Variants in FMN1 observed in about 807,000 individuals in gnomAD.
The protein encoded by FMN1 is formin-1.
Under a neutral mutation model 132.4 loss-of-function variants are expected in FMN1, and 110 were observed. The ratio of observed to expected loss-of-function variants is 0.83; its 90% confidence interval spans 0.71 to 0.97. FMN1 has a LOEUF of 0.97. Ranked by LOEUF, FMN1 falls within the 50% of genes least tolerant of loss-of-function variation. The pLI, the probability that FMN1 is intolerant of heterozygous loss-of-function variation, is 0.00. For missense variants in FMN1, 1,792 were observed against 1,705.3 expected, an observed-to-expected ratio of 1.05 and a Z score of -0.90; for synonymous variants, 722 against 651.7, an observed-to-expected ratio of 1.11 and a Z score of -1.64.
At chr15:33,174,221 C>T (rs1358230880) in intron 3 of FMN1, among the ~76,000 whole-genome samples, 1 of 151,958 alleles carries the variant, frequency 6.6e-6, no homozygotes, top group East Asian at 1.9e-4. Flanking sequence ...CAAAAACATC[C>T]AAATGAAATG....
chr15:32,984,978 CAAAAAAAAAAAAA>C (rs11330959), intron 7 of FMN1, among the ~76,000 whole-genome samples: 1 of 97,266 alleles, frequency 1.0e-5, no homozygotes, highest in African/African-American at 3.7e-5. Flanking sequence ...CATCCATCAC[CAAAAAAAAAAAAA>C]AAAAAAAAAG....
intron 4 of FMN1, among the ~76,000 whole-genome samples, chr15:33,115,737 T>C (rs2039899181): frequency 6.6e-6 from 1 of 152,186 alleles, no homozygotes. Flanking sequence ...CCTAAACCTA[T>C]GCTCCGCTCC....
intron 7 of FMN1, among the ~76,000 whole-genome samples, chr15:32,977,436 G>A (rs945939115): frequency 6.6e-6 from 1 of 152,208 alleles, no homozygotes; most frequent in African/African-American, 2.4e-5. Context: ...GAATGATTAA[G>A]TAAATAATTG....
At chr15:32,946,020 C>T (rs1486905366) in intron 9 of FMN1, among the ~76,000 whole-genome samples, 2 of 152,170 alleles carry the variant, frequency 1.3e-5, no homozygotes, top group Non-Finnish European at 1.5e-5. Flanking sequence ...TGCCATATTG[C>T]TTCCAACAGG....
intron 19 of FMN1, among the ~76,000 whole-genome samples, chr15:32,788,944 AT>A (rs1476908928): frequency 2.6e-5 from 4 of 152,206 alleles, no homozygotes; most frequent in Non-Finnish European, 5.9e-5. Flanking sequence ...AGCTATTAAG[AT>A]TTTAGATTCT....
chr15:33,003,053 T>C (rs2034205738), intron 7 of FMN1, among the ~76,000 whole-genome samples: 1 of 152,200 alleles, frequency 6.6e-6, no homozygotes, highest in South Asian at 2.1e-4. Context: ...TAGGTATTGA[T>C]GGGACGTATC....
chr15:32,993,207 A>G (rs1279305915), intron 7 of FMN1, among the ~76,000 whole-genome samples: 1 of 152,214 alleles, frequency 6.6e-6, no homozygotes, highest in African/African-American at 2.4e-5. Context: ...TTTGGTATGA[A>G]TATATTACAT....
chr15:32,890,726 C>T (rs569630820), intron 15 of FMN1, among the ~76,000 whole-genome samples: 6 of 152,096 alleles, frequency 3.9e-5, no homozygotes, highest in African/African-American at 1.4e-4. Flanking sequence ...TTTGAGGTAC[C>T]AAAGCTCTTT....
intron 9 of FMN1, among the ~76,000 whole-genome samples, chr15:32,940,391 T>C (rs200383183): frequency 6.9e-6 from 1 of 145,308 alleles, no homozygotes; most frequent in Non-Finnish European, 1.5e-5. Context: ...AAAATAAAAA[T>C]TGTGTGTGTG....
chr15:33,190,547 T>C (rs532537006), intron 2 of FMN1, among the ~76,000 whole-genome samples: 1 of 152,264 alleles, frequency 6.6e-6, no homozygotes, highest in South Asian at 2.1e-4. Context: ...TGAATGTGGA[T>C]AGATACTCAC....
At chr15:32,833,211 AC>A (rs2058544785) in intron 17 of FMN1, among the ~76,000 whole-genome samples, 1 of 152,124 alleles carries the variant, frequency 6.6e-6, no homozygotes, top group South Asian at 2.1e-4. Context: ...AGTAATCCTA[AC>A]CTGTAATTCT....
At chr15:32,986,742 T>A (rs543549947) in intron 7 of FMN1, among the ~76,000 whole-genome samples, 1 of 152,264 alleles carries the variant, frequency 6.6e-6, no homozygotes, top group East Asian at 1.9e-4. Context: ...GATCTCATTT[T>A]GACTTGATTC....
chr15:32,812,305 G>C (rs955163384), intron 17 of FMN1, among the ~76,000 whole-genome samples: 1 of 152,098 alleles, frequency 6.6e-6, no homozygotes, highest in Non-Finnish European at 1.5e-5. Flanking sequence ...ACTTACAAGT[G>C]ACTTATAATA....
intron 7 of FMN1, among the ~76,000 whole-genome samples, chr15:32,988,049 G>GTTTTTTTTTTTTT (rs10573409): frequency 5.9e-5 from 7 of 118,164 alleles, no homozygotes; most frequent in Non-Finnish European, 1.2e-4. Context: ...TGTCTCTCCA[G>GTTTTTTTTTTTTT]TTTTTTTTTT....
chr15:32,881,006 C>T (rs894755093), intron 16 of FMN1, among the ~76,000 whole-genome samples: 1 of 152,200 alleles, frequency 6.6e-6, no homozygotes, highest in South Asian at 2.1e-4. Flanking sequence ...GTCAACACCC[C>T]AGCCTATGCC....
At chr15:32,888,026 GAAGGA>G in intron 16 of FMN1, 141 bp downstream of exon 16, 4 of 574,960 alleles carry the variant, frequency 7.0e-6, no homozygotes, top group Admixed American at 3.6e-5. Context: ...ACTGTGTAGA[GAAGGA>G]AAGTTTCCTG....
intron 6 of FMN1, among the ~76,000 whole-genome samples, chr15:33,061,371 T>C (rs1388873157): frequency 6.6e-6 from 1 of 152,148 alleles, no homozygotes; most frequent in African/African-American, 2.4e-5. Context: ...ATCATGTATT[T>C]ATCTTTTAAA....
chr15:33,014,850 G>A (rs952068987), intron 6 of FMN1, among the ~76,000 whole-genome samples: 1 of 152,156 alleles, frequency 6.6e-6, no homozygotes, highest in Non-Finnish European at 1.5e-5. Context: ...AAACACAGAA[G>A]GCATGCAGTA....
intron 7 of FMN1, among the ~76,000 whole-genome samples, chr15:33,004,493 C>T (rs959039603): frequency 5.9e-5 from 9 of 152,232 alleles, no homozygotes; most frequent in African/African-American, 1.2e-4. Context: ...CAATGAGATA[C>T]TATCTCACAT....
Sources: allele counts gnomAD v4.1 joint callset (sites outside exome capture counted in the v4.1 genomes callset), GRCh38; gene constraint gnomAD v4.1.1; transcripts MANE v1.5; gene names NCBI Gene and HGNC (gene_info 2026-07-23, HGNC 2026-07-21).